The following CD80 variants were observed in gnomAD, a reference collection of about 807,000 sequenced individuals.
CD80 encodes the protein T-lymphocyte activation antigen CD80.
A neutral mutation model predicts 27.1 loss-of-function variants in CD80; 13 were observed. The ratio of observed to expected loss-of-function variants is 0.48; its 90% CI spans 0.31 to 0.76. The LOEUF is 0.76. Ranked by LOEUF, CD80 falls within the 30% of genes least tolerant of loss-of-function variation. CD80 has a pLI of 0.04. For missense variants in CD80, 277 were observed against 347.9 expected (o/e 0.80, Z 1.62); for synonymous variants, 125 against 125.5 (o/e 1.00, Z 0.03).
chr3:119,547,293 T>C (rs2692620), intron 2 of CD80, among the ~76,000 whole-genome samples: 35,563 of 152,194 alleles, frequency 0.23, 4,337 homozygotes, highest in Middle Eastern at 0.29. Flanking sequence ...GCACATACTG[T>C]AATTCAATGC....
intron 2 of CD80, among the ~76,000 whole-genome samples, chr3:119,550,579 G>A (rs1358402716): frequency 3.9e-5 from 6 of 152,058 alleles, no homozygotes; most frequent in East Asian, 1.9e-4. Flanking sequence ...CATCACACAC[G>A]GACAAAAAGC....
At chr3:119,547,118 ATCCTT>A in intron 2 of CD80, among the ~76,000 whole-genome samples, 1 of 152,214 alleles carries the variant, frequency 6.6e-6, no homozygotes, top group Non-Finnish European at 1.5e-5. Flanking sequence ...CCCTGCTAAC[ATCCTT>A]GCCTAGAGGC....
At chr3:119,546,430 C>T (rs1250768724) in intron 2 of CD80, among the ~76,000 whole-genome samples, 1 of 152,088 alleles carries the variant, frequency 6.6e-6, no homozygotes, top group Non-Finnish European at 1.5e-5. Context: ...GTATTATTTT[C>T]CCCATTTTGC....
chr3:119,549,175 G>A (rs1276539396), intron 2 of CD80, among the ~76,000 whole-genome samples: 1 of 152,034 alleles, frequency 6.6e-6, no homozygotes. Context: ...ACCCTAAATG[G>A]ATCCTATATC....
rs2082145818 is a variant in CD80, at chr3:119,537,505, A to G, written c.419-87T>C. 1.2e-5 allele frequency: 11 copies of G among 954,572 alleles called. No homozygotes were observed. In the South Asian group the frequency reaches 1.7e-4, roughly 15 times the overall value. The allele number at this position is 954,572 out of a possible 1,614,324, so 59.1% of individuals were successfully genotyped here. On this transcript the variant is annotated intron_variant, in intron 3 of 6. Coordinates refer to ENST00000264246, the MANE Select transcript of CD80 (RefSeq NM_005191.4). ...ATTTTTAAATAATTTTCTAGCTTTA[A>G]TAAGAATTGATAAAGGCCAGGTGCA...
chr3:119,545,745 C>G (rs530828706), intron 2 of CD80, among the ~76,000 whole-genome samples: 1 of 151,908 alleles, frequency 6.6e-6, no homozygotes, highest in South Asian at 2.1e-4. Context: ...CACACCCCCC[C>G]CCACATTTTG....
In CD80 at chr3:119,545,202, G is replaced by A. The variant is rs934821189; in HGVS notation, c.101-335C>T. Among the ~76,000 whole-genome samples the A allele has an allele frequency of 6.6e-5, 10 of 152,146 alleles. No homozygotes were observed. The East Asian group carries it at 1.2e-3, about 18-fold the overall frequency. On this transcript the variant is annotated intron_variant, in intron 2 of 6. Transcript: ENST00000264246. ...CTACTAAAAATACAAAAAATTAGCC[G>A]GGTGTGGTGGCGGGTGTAGTAATCC...
chr3:119,551,668 A>G lies in CD80; in HGVS notation c.100+5961T>C, dbSNP rs191656097. 1.4e-3 allele frequency among the ~76,000 whole-genome samples: 207 copies of G among 152,338 alleles called. 1 individual carries two copies. The highest frequency in any genetic ancestry group is 0.01 in the Middle Eastern group (3 of 294). ...CCAATGTCAGGTATTCTGTTATAGCAGCACAAACCAGACCGAGATAACTAT... is the reference window on the plus strand; with the variant it reads ...CCAATGTCAGGTATTCTGTTATAGCGGCACAAACCAGACCGAGATAACTAT... On this transcript the variant is annotated intron_variant, in intron 2 of 6. Coordinates refer to ENST00000264246, the MANE Select transcript of CD80 (RefSeq NM_005191.4).
At chr3:119,543,887 C>CTTTTT (rs71619749) in intron 3 of CD80, among the ~76,000 whole-genome samples, 9 of 99,108 alleles carry the variant, frequency 9.1e-5, no homozygotes, top group Non-Finnish European at 1.2e-4. Context: ...CTCCATTGTT[C>CTTTTT]TTTTTTTTTT....
At chr3:119,529,508 G>A (rs1038380356) in intron 5 of CD80, among the ~76,000 whole-genome samples, 6 of 152,072 alleles carry the variant, frequency 3.9e-5, no homozygotes, top group African/African-American at 1.2e-4. Flanking sequence ...CATCAGAAAC[G>A]TTTTCAAATT....
chr3:119,524,698 T>C lies in CD80; in HGVS notation c.*1090A>G, dbSNP rs2082054364. On this transcript the variant is annotated 3_prime_UTR_variant, in exon 7 of 7. Coordinates refer to ENST00000264246, the MANE Select transcript of CD80 (RefSeq NM_005191.4). ...GATAATGTGATTATCCCAGCTTAAG[T>C]TGCGTCCACTTCTGGTCTAGTGAAT... is the stretch of plus-strand genomic sequence containing the variant. The C allele has an allele frequency of 6.6e-6, 1 of 152,248 alleles. No individual in the cohort carries two copies. The highest frequency in any genetic ancestry group is 6.5e-5 in the Admixed American group (1 of 15,288). The allele number at this position is 152,248 out of a possible 1,614,324, so 9.4% of individuals were successfully genotyped here. A position where few individuals can be genotyped will look rare whatever the true frequency, so the allele number is the denominator to read the frequency against.
chr3:119,533,856 T>G (rs1247211396), intron 4 of CD80, among the ~76,000 whole-genome samples: 1 of 152,228 alleles, frequency 6.6e-6, no homozygotes, highest in Non-Finnish European at 1.5e-5. Context: ...AACATTTCTA[T>G]GTACTATACA....
intron 2 of CD80, among the ~76,000 whole-genome samples, chr3:119,555,642 C>T (rs1407006084): frequency 1.3e-5 from 2 of 152,238 alleles, no homozygotes; most frequent in African/African-American, 4.8e-5. Context: ...AGCACTTCCT[C>T]AGGCAGTGCC....
At chr3:119,558,396 T>G (rs1455587058) in intron 1 of CD80, among the ~76,000 whole-genome samples, 1 of 152,048 alleles carries the variant, frequency 6.6e-6, no homozygotes, top group African/African-American at 2.4e-5. Flanking sequence ...GGGTATGAGA[T>G]CTCAATAACC....
chr3:119,554,426 G>C (rs1373742467), intron 2 of CD80, among the ~76,000 whole-genome samples: 2 of 152,162 alleles, frequency 1.3e-5, no homozygotes, highest in Non-Finnish European at 2.9e-5. Flanking sequence ...TGAAGGAAAA[G>C]CTGCCCACAT....
At chr3:119,531,407 T>A (rs1032255798) in intron 4 of CD80, among the ~76,000 whole-genome samples, 18 of 152,250 alleles carry the variant, frequency 1.2e-4, no homozygotes, top group Non-Finnish European at 2.5e-4. Flanking sequence ...ATGTTAAGCG[T>A]GCCAGCACCC....
At chr3:119,546,563 C>G (rs985202283) in intron 2 of CD80, among the ~76,000 whole-genome samples, 1 of 152,012 alleles carries the variant, frequency 6.6e-6, no homozygotes, top group East Asian at 1.9e-4. Flanking sequence ...ATGAGGTCAA[C>G]TAAGAAGAAA....
rs2229098 is a variant in CD80 at position 119,537,173 on chromosome 3, G to A, written c.664C>T (p.His222Tyr). The A allele has an allele frequency of 9.9e-3, 16,046 of 1,613,976 alleles. 105 individuals are homozygous for A. The highest frequency in any genetic ancestry group is 0.012 in the Non-Finnish European group (14,158 of 1,179,852). ...TTGAAGGTCTGATTCACTCTTAAATGTCCATACTTGATGAGACACATGAAG... is the reference window on the plus strand; with the variant it reads ...TTGAAGGTCTGATTCACTCTTAAATATCCATACTTGATGAGACACATGAAG... ...HSFMCLIKYGHLRVNQTFNWN... is the reference protein window; with the variant it reads ...HSFMCLIKYGYLRVNQTFNWN... The change falls in exon 4 of 7, where the codon CAT becomes TAT. Residue 222 changes from histidine (H) to tyrosine (Y), a missense_variant. Transcript: ENST00000264246.
intron 2 of CD80, among the ~76,000 whole-genome samples, chr3:119,545,500 C>G (rs979792448): frequency 6.6e-6 from 1 of 151,988 alleles, no homozygotes; most frequent in East Asian, 1.9e-4. Context: ...TAAACAACTC[C>G]CCTTTCCCCC....
Sources: gnomAD v4.1 joint callset for allele counts (sites outside exome capture counted in the v4.1 genomes callset) on GRCh38, gnomAD v4.1.1 for gene constraint, MANE v1.5 for transcripts, NCBI Gene and HGNC (gene_info 2026-07-23, HGNC 2026-07-21) for gene names.